Variants in LAMA2 observed in about 807,000 individuals in gnomAD.
The protein encoded by LAMA2 is laminin subunit alpha-2.
A neutral mutation model predicts 364.8 loss-of-function variants in LAMA2; 269 were observed. That is an observed-to-expected ratio of 0.74 (90% CI 0.67 to 0.82). The LOEUF is 0.82. Ranked by LOEUF, LAMA2 falls within the 40% of genes least tolerant of loss-of-function variation. The pLI is 0.00. For synonymous variants in LAMA2, 1,379 were observed against 1,370.6 expected, an observed-to-expected ratio of 1.01 and a Z score of -0.14; for missense variants, 3,807 against 3,873.2, an observed-to-expected ratio of 0.98 and a Z score of 0.45.
chr6:129,106,879 T>A (rs867905764), intron 4 of LAMA2, among the ~76,000 whole-genome samples: 3,093 of 147,002 alleles, frequency 0.021, 111 homozygotes, highest in African/African-American at 0.074. Context: ...AAAAAAAATA[T>A]ATATATATAT....
At chr6:129,155,437 G>A (rs1242699370) in intron 8 of LAMA2, among the ~76,000 whole-genome samples, 2 of 152,062 alleles carry the variant, frequency 1.3e-5, no homozygotes, top group Non-Finnish European at 2.9e-5. Flanking sequence ...TCTAGTGGGT[G>A]TGAAATGGCA....
chr6:129,514,364 A>G lies in LAMA2; in HGVS notation c.8989-9A>G, dbSNP rs974025621. On this transcript the variant is annotated splice_polypyrimidine_tract_variant and intron_variant, in intron 63 of 64. Coordinates refer to ENST00000421865, the MANE Select transcript of LAMA2 (RefSeq NM_000426.4). ...ACCATCTGTGACTGTTCTATTTCCT[A>G]CTTTCCAGTTGATGTTTCATGTGGA... The G allele has an allele frequency of 1.0e-5, 16 of 1,596,430 alleles. No individual in the cohort carries two copies. The highest frequency in any genetic ancestry group is 6.7e-5 in the Admixed American group (4 of 59,918).
At chr6:128,945,863 C>A (rs1446142053) in intron 1 of LAMA2, among the ~76,000 whole-genome samples, 2 of 152,180 alleles carry the variant, frequency 1.3e-5, no homozygotes, top group Admixed American at 1.3e-4. Context: ...AGATATAATT[C>A]GGATATAACT....
chr6:129,242,693 A>C (rs184842726), intron 12 of LAMA2, among the ~76,000 whole-genome samples: 1 of 152,298 alleles, frequency 6.6e-6, no homozygotes, highest in South Asian at 2.1e-4. Context: ...TCCAAACATA[A>C]GTTAGTAAAT....
intron 12 of LAMA2, among the ~76,000 whole-genome samples, chr6:129,232,707 C>T (rs1784744418): frequency 6.6e-6 from 1 of 152,034 alleles, no homozygotes; most frequent in Non-Finnish European, 1.5e-5. Flanking sequence ...TAAATATGTT[C>T]CCTCTTACAT....
chr6:129,438,061 A>C (rs985541575), intron 41 of LAMA2, among the ~76,000 whole-genome samples: 2 of 151,826 alleles, frequency 1.3e-5, no homozygotes, highest in African/African-American at 4.8e-5. Flanking sequence ...AAAACTATAT[A>C]AAATTTATTG....
intron 17 of LAMA2, 99 bp from the exon 18 acceptor site, chr6:129,279,962 T>C (rs1395359416): frequency 2.5e-6 from 2 of 811,354 alleles, no homozygotes; most frequent in Non-Finnish European, 4.3e-6. Context: ...TGTACTCTTT[T>C]GTCAGAGCAG....
At chr6:128,938,378 A>G (rs984487725) in intron 1 of LAMA2, among the ~76,000 whole-genome samples, 4 of 152,178 alleles carry the variant, frequency 2.6e-5, no homozygotes, top group Non-Finnish European at 5.9e-5. Context: ...AGAGTGCTAG[A>G]CACTGTTTGC....
intron 33 of LAMA2, among the ~76,000 whole-genome samples, chr6:129,367,274 T>C (rs1777828722): frequency 6.6e-6 from 1 of 152,236 alleles, no homozygotes; most frequent in Non-Finnish European, 1.5e-5. Flanking sequence ...AGATATTTAT[T>C]AAGAAATTAT....
chr6:129,442,940 T>C (rs1023871338), intron 43 of LAMA2, 123 bp from the exon 44 acceptor site: 4 of 674,094 alleles, frequency 5.9e-6, no homozygotes, highest in Non-Finnish European at 1.0e-5. Context: ...GGGGTGCATT[T>C]ATAATTAGTA....
intron 12 of LAMA2, among the ~76,000 whole-genome samples, chr6:129,193,307 A>T (rs191596109): frequency 6.6e-6 from 1 of 152,360 alleles, no homozygotes; most frequent in East Asian, 1.9e-4. Flanking sequence ...TTAATTGGAA[A>T]AGAAATGTAT....
chr6:129,398,392 G>A (rs1779775147), intron 37 of LAMA2, among the ~76,000 whole-genome samples: 1 of 151,994 alleles, frequency 6.6e-6, no homozygotes, highest in Non-Finnish European at 1.5e-5. Flanking sequence ...AATTAGTGAT[G>A]GGAGTAGCTG....
intron 33 of LAMA2, among the ~76,000 whole-genome samples, chr6:129,369,205 G>A (rs189410931): frequency 2.0e-5 from 3 of 152,206 alleles, no homozygotes; most frequent in Admixed American, 1.3e-4. Flanking sequence ...GGAGGTTGGG[G>A]TAGTTTTGTG....
rs200632940 is a variant in LAMA2 at position 129,184,754 on chromosome 6, C to T, written c.1468-5451C>T. The stretch of plus-strand genomic sequence containing the variant: ...ATTGGGAATGGAGGCTAGTTCTTTA[C>T]TAAGGTTGCTTTTTCTCTATTGCCA... On this transcript the variant is annotated intron_variant, in intron 10 of 64. Coordinates refer to ENST00000421865, the MANE Select transcript of LAMA2 (RefSeq NM_000426.4). Among the ~76,000 whole-genome samples the T allele has an allele frequency of 3.5e-4, 53 of 151,950 alleles. No homozygotes were observed. In the East Asian group the frequency reaches 8.9e-3, roughly 26 times the overall value.
At chr6:129,478,045 C>T (rs976320272) in intron 53 of LAMA2, among the ~76,000 whole-genome samples, 1 of 152,178 alleles carries the variant, frequency 6.6e-6, no homozygotes, top group African/African-American at 2.4e-5. Context: ...CCTCCCTCTT[C>T]GGCCTCCCAA....
At chr6:129,510,563 CAG>C (rs1190970251) in intron 62 of LAMA2, among the ~76,000 whole-genome samples, 3 of 151,784 alleles carry the variant, frequency 2.0e-5, no homozygotes, top group Admixed American at 6.6e-5. Context: ...TGATGGGAAA[CAG>C]AAATAAGTAA....
At chr6:129,192,283 T>C (rs777655693) in intron 11 of LAMA2, among the ~76,000 whole-genome samples, 6 of 152,230 alleles carry the variant, frequency 3.9e-5, no homozygotes, top group Non-Finnish European at 8.8e-5. Flanking sequence ...AACAATAAAC[T>C]ACTAGTGGAG....
At chr6:129,205,906 C>T (rs1250055537) in intron 12 of LAMA2, among the ~76,000 whole-genome samples, 1 of 151,654 alleles carries the variant, frequency 6.6e-6, no homozygotes, top group African/African-American at 2.4e-5. Flanking sequence ...GCATGTAGTC[C>T]CCACTACCAG....
intron 9 of LAMA2, among the ~76,000 whole-genome samples, chr6:129,169,522 A>G (rs1779995062): frequency 6.6e-6 from 1 of 151,652 alleles, no homozygotes; most frequent in East Asian, 1.9e-4. Flanking sequence ...CTACTTGATC[A>G]TGGTGGATAA....
Sources: gnomAD v4.1 joint callset for allele counts (sites outside exome capture counted in the v4.1 genomes callset) on GRCh38, gnomAD v4.1.1 for gene constraint, MANE v1.5 for transcripts, NCBI Gene and HGNC (gene_info 2026-07-23, HGNC 2026-07-21) for gene names.